DRC4: variants seen among roughly 807,000 people sequenced by gnomAD.
DRC4 encodes GAS-11.
the DRC4 span, chr16:90,043,253 C>T: frequency 6.2e-7 from 1 of 1,613,706 alleles, no homozygotes; most frequent in Non-Finnish European, 8.5e-7. Context: ...CGGGATCCCT[C>T]TGGACAACGT....
At chr16:90,026,493 G>A in the DRC4 span, among the ~76,000 whole-genome samples, 17 of 152,286 alleles carry the variant, frequency 1.1e-4, 1 homozygote, top group South Asian at 1.2e-3. Flanking sequence ...ACAACCGATC[G>A]TGGTTATGGA....
chr16:90,041,989 G>A, the DRC4 span, among the ~76,000 whole-genome samples: 5 of 152,032 alleles, frequency 3.3e-5, no homozygotes, highest in Non-Finnish European at 7.4e-5. Flanking sequence ...CCAGACTGGA[G>A]TGCAGTGGCT....
chr16:90,023,950 C>G, the DRC4 span, among the ~76,000 whole-genome samples: 1,681 of 133,482 alleles, frequency 0.013, 38 homozygotes, highest in African/African-American at 0.042. Context: ...CGAGATCGCA[C>G]CACCGCACTC....
the DRC4 span, chr16:90,032,678 G>A: frequency 1.3e-6 from 2 of 1,589,028 alleles, no homozygotes; most frequent in African/African-American, 2.7e-5. Flanking sequence ...GTGAGGAGGT[G>A]TGGTGCAGGT....
At chr16:90,027,532 G>C in the DRC4 span, 10 of 1,094,230 alleles carry the variant, frequency 9.1e-6, no homozygotes, top group East Asian at 1.2e-4. Context: ...AGAAGGGAGA[G>C]AGGTTCCAGA....
the DRC4 span, chr16:90,031,190 G>C: frequency 6.5e-7 from 1 of 1,549,966 alleles, no homozygotes; most frequent in South Asian, 1.2e-5. Context: ...TTATTTTTAG[G>C]TGAAGTTGAG....
chr16:90,034,892 CTTTTTTTTTTTTTTT>C, the DRC4 span, among the ~76,000 whole-genome samples: 1 of 53,868 alleles, frequency 1.9e-5, no homozygotes, highest in Non-Finnish European at 3.2e-5. Context: ...CCCACCTAAT[CTTTTTTTTTTTTTTT>C]TTTTTTTTTT....
chr16:90,019,740 C>T, the DRC4 span: 1 of 659,062 alleles, frequency 1.5e-6, no homozygotes, highest in South Asian at 1.6e-5. This position sits in a 1 kb window ranked among gnomAD's most constrained non-coding sequence, Gnocchi z 6.1. Context: ...GGCGGCCGCG[C>T]CCGCTGGCGT....
At chr16:90,027,762 T>G in the DRC4 span, 70 of 1,537,724 alleles carry the variant, frequency 4.6e-5, no homozygotes, top group Non-Finnish European at 5.3e-5. Flanking sequence ...CGGGTGGGCG[T>G]GGGCGGGCAC....
chr16:90,029,217 G>GCAGGCTACGGGA, the DRC4 span: 2 of 1,365,718 alleles, frequency 1.5e-6, no homozygotes, highest in Non-Finnish European at 2.0e-6. Context: ...AGGCTACGGG[G>GCAGGCTACGGGA]CAGGCCCTTG....
the DRC4 span, among the ~76,000 whole-genome samples, chr16:90,038,766 C>T: frequency 2.1e-4 from 32 of 152,290 alleles, no homozygotes; most frequent in African/African-American, 7.0e-4. Context: ...TTCCAAGATT[C>T]GCAGTGAGTG....
At chr16:90,036,715 C>T in the DRC4 span, 2 of 809,848 alleles carry the variant, frequency 2.5e-6, no homozygotes, top group East Asian at 2.7e-5. Context: ...GATTGTTTGA[C>T]AATGCCCCTC....
chr16:90,037,111 C>A, the DRC4 span: 1 of 959,884 alleles, frequency 1.0e-6, no homozygotes, highest in Non-Finnish European at 1.5e-6. Context: ...TAGGTGCCAG[C>A]ATGCCTGAGG....
the DRC4 span, chr16:90,022,252 G>A: frequency 6.3e-6 from 1 of 157,752 alleles, no homozygotes; most frequent in African/African-American, 2.4e-5. Context: ...GCCCTTCAAA[G>A]GTGGGCGGGT....
chr16:90,037,445 C>A, the DRC4 span: 1 of 1,572,504 alleles, frequency 6.4e-7, no homozygotes. Flanking sequence ...ATGAGCTTGC[C>A]TAGGCTCAGG....
the DRC4 span, chr16:90,031,249 G>T: frequency 1.9e-6 from 3 of 1,607,318 alleles, no homozygotes; most frequent in South Asian, 1.1e-5. Context: ...CCCCGTTGCC[G>T]TGCATGGGCC....
chr16:90,019,919 G>A, the DRC4 span: 1 of 674,004 alleles, frequency 1.5e-6, no homozygotes, highest in Non-Finnish European at 2.7e-6. This position sits in a 1 kb window ranked among gnomAD's most constrained non-coding sequence, Gnocchi z 6.1. Context: ...GGGCGAGGGC[G>A]TGTGCTTGGG....
chr16:90,029,403 C>A, the DRC4 span: 2 of 1,003,140 alleles, frequency 2.0e-6, no homozygotes, highest in South Asian at 1.4e-5. Flanking sequence ...TCTGATTTTC[C>A]AAGAGAAGCT....
chr16:90,041,587 C>T, the DRC4 span, among the ~76,000 whole-genome samples: 17 of 152,250 alleles, frequency 1.1e-4, 1 homozygote, highest in South Asian at 6.2e-4. Flanking sequence ...GGGCAGATCA[C>T]GAGTTTGGGA....
Sources: gnomAD v4.1 joint callset for allele counts (sites outside exome capture counted in the v4.1 genomes callset) on GRCh38, gnomAD v4.1.1 for gene constraint, Gnocchi (gnomAD v3.1) non-coding constraint, MANE v1.5 for transcripts, NCBI Gene and HGNC (gene_info 2026-07-23, HGNC 2026-07-21) for gene names.